F2: variants seen among roughly 807,000 people sequenced by gnomAD.
The protein encoded by F2 is coagulation factor II, thrombin.
In F2, 34 loss-of-function variants were observed where a neutral mutation model predicts 81.9. The observed-to-expected ratio is 0.42, with a 90% confidence interval of 0.32 to 0.55. F2 has a LOEUF of 0.55. F2 is among the 20% of genes least tolerant of loss of function. The probability of loss-of-function intolerance (pLI) is 0.18; values close to 1 mark genes in which losing one functional copy is unlikely to be tolerated. For missense variants in F2, 630 were observed against 833.4 expected, an observed-to-expected ratio of 0.76 and a Z score of 3.00; for synonymous variants, 296 against 326.4, an observed-to-expected ratio of 0.91 and a Z score of 1.01.
At chr11:46,730,796 A>ATATATATATATATATATATATATATG (rs942052249) in intron 12 of F2, among the ~76,000 whole-genome samples, 7 of 142,310 alleles carry the variant, frequency 4.9e-5, no homozygotes, top group African/African-American at 7.5e-5. Flanking sequence ...TTATATATAT[A>ATATATATATATATATATATATATATG]TATGCATAGT....
At chr11:46,729,318 G>A (rs780963848) in intron 11 of F2, 62 bp from the exon 12 acceptor site, 36 of 1,566,810 alleles carry the variant, frequency 2.3e-5, no homozygotes, top group Non-Finnish European at 2.9e-5. Flanking sequence ...AAGAAATGGC[G>A]TTGGGGCCAG....
intron 12 of F2, 77 bp downstream of exon 12, chr11:46,729,638 A>C: frequency 1.3e-6 from 2 of 1,547,302 alleles, no homozygotes; most frequent in Non-Finnish European, 1.8e-6. Context: ...GGTTCAAGCC[A>C]TGTGACTTTG....
At chr11:46,727,793 A>C (rs2064883879) in intron 9 of F2, among the ~76,000 whole-genome samples, 2 of 152,002 alleles carry the variant, frequency 1.3e-5, no homozygotes, top group African/African-American at 2.4e-5. Context: ...ATAAATAAAT[A>C]AATAAATAAA....
At chr11:46,737,997 C>T (rs1473378702) in intron 12 of F2, among the ~76,000 whole-genome samples, 4 of 151,742 alleles carry the variant, frequency 2.6e-5, no homozygotes, top group Admixed American at 2.0e-4. Flanking sequence ...CCACCATGTC[C>T]GGCTAATTTT....
Position 46,719,404 on chromosome 11 carries a change from G to C in F2, c.79+90G>C. ...CTCCTGGCTGGACAGAGCACACAGA[G>C]CTGGCCCCTAAGTAGGTCTCAGCCC... On this transcript the variant is annotated intron_variant, in intron 1 of 13. Coordinates refer to ENST00000311907, the MANE Select transcript of F2 (RefSeq NM_000506.5). This position sits in a 1 kb window ranked among gnomAD's most constrained non-coding sequence, Gnocchi z 4.7. 1 of 1,454,122 alleles carries C rather than the reference G, an allele frequency of 6.9e-7. No homozygotes were observed. The highest frequency in any genetic ancestry group is 9.4e-7 in the Non-Finnish European group (1 of 1,059,684). The allele number at this position is 1,454,122 out of a possible 1,614,324, so 90.1% of individuals were successfully genotyped here. A position where few individuals can be genotyped will look rare whatever the true frequency, so the allele number is the denominator to read the frequency against.
rs745681370 is a variant in F2 at position 46,719,682 on chromosome 11, AC to A, written c.80-13del. ...CTGTTCCTGAGGCCGCTGTCCCATG[AC>A]CCCCCCACCGCCTTACAGTGTTCCT... On this transcript the variant is annotated intron_variant, in intron 1 of 13. Coordinates refer to ENST00000311907, the MANE Select transcript of F2 (RefSeq NM_000506.5). This position sits in a 1 kb window ranked among gnomAD's most constrained non-coding sequence, Gnocchi z 4.7. 23 of 1,575,888 alleles carry A rather than the reference AC, an allele frequency of 1.5e-5. No individual in the cohort carries two copies. Among genetic ancestry groups the A allele is most frequent in the Admixed American group, 3.6e-5 (2 of 55,062 alleles).
At position 46,723,548 on chromosome 11, in the gene F2, G is replaced by A; in HGVS notation, c.559+30G>A. 6.3e-7 allele frequency: 1 copy of A among 1,589,634 alleles called. No homozygotes were observed. Among genetic ancestry groups the A allele is most frequent in the East Asian group, 2.3e-5 (1 of 44,130 alleles). On this transcript the variant is annotated intron_variant, in intron 6 of 13. Coordinates refer to ENST00000311907, the MANE Select transcript of F2 (RefSeq NM_000506.5). This position sits in a 1 kb window ranked among gnomAD's most constrained non-coding sequence, Gnocchi z 5.6. ...GCTGGGGGCAGTGGGGCGGCCCATGGCCAAGGCCCGGGGGCTTCATGGGGC... is the reference window on the plus strand; with the variant it reads ...GCTGGGGGCAGTGGGGCGGCCCATGACCAAGGCCCGGGGGCTTCATGGGGC...
rs767987956 is a variant in F2, at chr11:46,719,264, C to T, written c.29C>T (p.Pro10Leu). 6.2e-6 allele frequency: 10 copies of T among 1,613,642 alleles called. No individual in the cohort carries two copies. The Admixed American group carries it at 1.3e-4, about 22-fold the overall frequency. MAHVRGLQL[P>L]GCLALAALCS... ...GCGCACGTCCGAGGCTTGCAGCTGC[C>T]TGGCTGCCTGGCCCTGGCTGCCCTG... Residue 10 changes from proline to leucine, a missense_variant, in exon 1 of 14, where the codon CCT (proline) becomes CTT (leucine). Transcript: ENST00000311907. This position sits in a 1 kb window ranked among gnomAD's most constrained non-coding sequence, Gnocchi z 4.7.
Position 46,728,193 on chromosome 11 carries a change from G to T in F2, c.1298+30G>T, listed in dbSNP as rs367729072. The T allele has an allele frequency of 6.3e-7, 1 of 1,596,090 alleles. No homozygotes were observed. Among genetic ancestry groups the T allele is most frequent in the Non-Finnish European group, 8.5e-7 (1 of 1,171,622 alleles). On this transcript the variant is annotated intron_variant, in intron 10 of 13. Transcript: ENST00000311907. This position sits in a 1 kb window ranked among gnomAD's most constrained non-coding sequence, Gnocchi z 5.1. ...AGAACTGGTGGCCCGTGGGTGTCTG[G>T]CAGGGGTCTGAGTCCTCCAAAGCGA...
At position 46,728,286 on chromosome 11, in the gene F2, C is replaced by T. The variant is rs2134535276; in HGVS notation, c.1298+123C>T. 1.8e-6 allele frequency: 2 copies of T among 1,117,462 alleles called. No individual in the cohort carries two copies. The highest frequency in any genetic ancestry group is 2.6e-6 in the Non-Finnish European group (2 of 761,278). 69.2% of individuals were successfully genotyped at this position (1,117,462 alleles called of 1,614,324 possible). On this transcript the variant is annotated intron_variant, in intron 10 of 13. Coordinates refer to ENST00000311907, the MANE Select transcript of F2 (RefSeq NM_000506.5). The surrounding 1 kb of genome is among the most constrained non-coding windows in gnomAD (Gnocchi z 5.1). ...GTATACCCCCCAGAATATAACATCC[C>T]AGCAGTCTCTGCTGGAAAGCCCATT... is the stretch of plus-strand genomic sequence containing the variant.
At chr11:46,730,555 C>CA (rs1343241797) in intron 12 of F2, among the ~76,000 whole-genome samples, 3 of 150,542 alleles carry the variant, frequency 2.0e-5, no homozygotes, top group Non-Finnish European at 4.4e-5. Flanking sequence ...GAGAGGGGGG[C>CA]AGGCAGAGGA....
intron 12 of F2, among the ~76,000 whole-genome samples, chr11:46,729,812 G>A (rs1295577654): frequency 6.6e-6 from 1 of 152,122 alleles, no homozygotes; most frequent in African/African-American, 2.4e-5. Flanking sequence ...AAGAGGCTGC[G>A]GGTAGGGAAA....
At chr11:46,736,673 G>A (rs2064946112) in intron 12 of F2, among the ~76,000 whole-genome samples, 1 of 152,156 alleles carries the variant, frequency 6.6e-6, no homozygotes, top group Non-Finnish European at 1.5e-5. Context: ...GGCTTTCCTG[G>A]TCTGTTGTCT....
At position 46,723,117 on chromosome 11, in the gene F2, T is replaced by C. The variant is rs1390119481; in HGVS notation, c.317-63T>C. 6.9e-7 allele frequency: 1 copy of C among 1,455,218 alleles called. No individual in the cohort carries two copies. The highest frequency in any genetic ancestry group is 1.7e-5 in the Admixed American group (1 of 59,802). The allele number at this position is 1,455,218 out of a possible 1,614,324, so 90.1% of individuals were successfully genotyped here. On this transcript the variant is annotated intron_variant, in intron 4 of 13. Transcript: ENST00000311907. This position sits in a 1 kb window ranked among gnomAD's most constrained non-coding sequence, Gnocchi z 5.6. ...AGCTGGGAGGTGGGGGATAGACAAC[T>C]TTGCAGGGAGAGAGGAAATAAGTCC...
Position 46,728,747 on chromosome 11 carries a change from G to A in F2, c.1382G>A (p.Arg461Gln), listed in dbSNP as rs373346034. Residue 461 changes from arginine to glutamine, a missense_variant, in exon 11 of 14, where the codon CGG (arginine) becomes CAG (glutamine). Physicochemically the swap from Arg to Gln is conservative, Grantham distance 43. Coordinates refer to ENST00000311907, the MANE Select transcript of F2 (RefSeq NM_000506.5). This position sits in a 1 kb window ranked among gnomAD's most constrained non-coding sequence, Gnocchi z 5.1. ...TACAACTGGCGGGAGAACCTGGACC[G>A]GGACATTGCCCTGATGAAGCTGAAG... Reference protein sequence around the residue: ...PRYNWRENLDRDIALMKLKKP... With the variant: ...PRYNWRENLDQDIALMKLKKP... The A allele has an allele frequency of 1.3e-5, 21 of 1,614,108 alleles. No individual in the cohort carries two copies. Among genetic ancestry groups the A allele is most frequent in the Non-Finnish European group, 1.5e-5 (18 of 1,180,046 alleles).
Position 46,725,880 on chromosome 11 carries a change from C to A in F2, c.581C>A (p.Ala194Glu). 6.2e-7 allele frequency: 1 copy of A among 1,613,228 alleles called. No individual in the cohort carries two copies. The highest frequency in any genetic ancestry group is 8.5e-7 in the Non-Finnish European group (1 of 1,180,008). ...PVCGQDQVTV[A>E]MTPRSEGSSV... is the part of the protein sequence containing the mutation. ...CCAGGCCAGGATCAAGTCACTGTAGCGATGACTCCACGCTCCGAAGGCTCC... is the reference window on the plus strand; with the variant it reads ...CCAGGCCAGGATCAAGTCACTGTAGAGATGACTCCACGCTCCGAAGGCTCC... Residue 194 changes from alanine (A) to glutamate (E), a missense_variant, in exon 7 of 14, where the codon GCG becomes GAG. Coordinates refer to ENST00000311907, the MANE Select transcript of F2 (RefSeq NM_000506.5).
In F2 at chr11:46,728,125, T is replaced by C. The variant is rs771583221; in HGVS notation, c.1260T>C (p.Asn420=). 6.2e-7 allele frequency: 1 copy of C among 1,610,902 alleles called. No homozygotes were observed. The highest frequency in any genetic ancestry group is 8.5e-7 in the Non-Finnish European group (1 of 1,179,022). The change falls in exon 10 of 14, where the codon AAT becomes AAC. Residue 420 remains asparagine (N), a synonymous_variant. Transcript: ENST00000311907. The surrounding 1 kb of genome is among the most constrained non-coding windows in gnomAD (Gnocchi z 5.1). ...YPPWDKNFTE[N]DLLVRIGKHS... is the part of the protein sequence containing the mutation. ...CCTGGGACAAGAACTTCACCGAGAA[T>C]GACCTTCTGGTGCGCATTGGCAAGC...
intron 12 of F2, among the ~76,000 whole-genome samples, chr11:46,731,820 T>C (rs914573491): frequency 6.6e-6 from 1 of 152,000 alleles, no homozygotes; most frequent in Non-Finnish European, 1.5e-5. Flanking sequence ...AACTCTGACC[T>C]CTTGAGGAAG....
At chr11:46,727,851 A>G in intron 9 of F2, 145 bp from the exon 10 acceptor site, 1 of 808,152 alleles carries the variant, frequency 1.2e-6, no homozygotes, top group Non-Finnish European at 1.9e-6. Context: ...CCAGGCCCCA[A>G]AGGCGGCCAG....
Sources: gnomAD v4.1 joint callset for allele counts (sites outside exome capture counted in the v4.1 genomes callset) on GRCh38, gnomAD v4.1.1 for gene constraint, Gnocchi (gnomAD v3.1) non-coding constraint, MANE v1.5 for transcripts, NCBI Gene and HGNC (gene_info 2026-07-23, HGNC 2026-07-21) for gene names.